EVI5: variants seen among roughly 807,000 people sequenced by gnomAD.
EVI5 encodes the protein ecotropic viral integration site 5.
EVI5 carries 73 observed loss-of-function variants against 112.0 expected under a neutral mutation model. That is an observed-to-expected ratio of 0.65 (90% confidence interval 0.54 to 0.79). The LOEUF is 0.79. Among genes scored for constraint, EVI5 ranks in the 30% least tolerant of loss-of-function variants. The pLI is 0.00. For missense variants in EVI5, 900 were observed against 968.8 expected (o/e 0.93, Z 0.94); for synonymous variants, 305 against 319.9 (o/e 0.95, Z 0.50).
At chr1:92,782,708 C>T (rs1685020916) in intron 1 of EVI5, among the ~76,000 whole-genome samples, 3 of 152,194 alleles carry the variant, frequency 2.0e-5, no homozygotes, top group South Asian at 2.1e-4. Flanking sequence ...TTATCACCCA[C>T]GTACCTATAA....
intron 16 of EVI5, among the ~76,000 whole-genome samples, chr1:92,616,894 T>C (rs367711774): frequency 1.3e-5 from 2 of 152,296 alleles, no homozygotes; most frequent in South Asian, 4.1e-4. Context: ...CAGCACTCCA[T>C]CATCAAATGG....
chr1:92,678,414 T>C (rs1667084508), intron 9 of EVI5, among the ~76,000 whole-genome samples: 1 of 151,886 alleles, frequency 6.6e-6, no homozygotes, highest in Non-Finnish European at 1.5e-5. Flanking sequence ...TGCCTGTAGT[T>C]GCAGGTACTC....
At chr1:92,591,593 C>A (rs1015770250) in intron 18 of EVI5, among the ~76,000 whole-genome samples, 5 of 152,064 alleles carry the variant, frequency 3.3e-5, no homozygotes, top group Non-Finnish European at 7.4e-5. Flanking sequence ...CCAATACAGG[C>A]GCACCCAGAT....
chr1:92,779,946 C>T (rs1419120730), intron 1 of EVI5, among the ~76,000 whole-genome samples: 2 of 152,080 alleles, frequency 1.3e-5, no homozygotes, highest in Non-Finnish European at 2.9e-5. Flanking sequence ...GCCACCATTC[C>T]TATCTCATAA....
rs190259682 is a variant in EVI5, at chr1:92,636,571, T to G, written c.1393-235A>C. The stretch of plus-strand genomic sequence containing the variant: ...ATTATTGGGTTTTGGTAACTAGTTA[T>G]TACGCTGATCAAATCTGATTCATAT... On this transcript the variant is annotated intron_variant, in intron 13 of 19. Coordinates refer to ENST00000684568, the MANE Select transcript of EVI5 (RefSeq NM_001350197.2). Among the ~76,000 whole-genome samples, 32 of 152,354 alleles carry G rather than the reference T, an allele frequency of 2.1e-4. No individual in the cohort carries two copies. In the East Asian group the frequency reaches 6.2e-3, roughly 29 times the overall value.
chr1:92,776,599 T>G (rs915103357), intron 1 of EVI5, among the ~76,000 whole-genome samples: 8 of 151,952 alleles, frequency 5.3e-5, no homozygotes, highest in African/African-American at 1.9e-4. Flanking sequence ...TGATTGGATT[T>G]AAGCATTACT....
At chr1:92,685,525 T>C (rs1281266362) in intron 9 of EVI5, among the ~76,000 whole-genome samples, 4 of 152,110 alleles carry the variant, frequency 2.6e-5, no homozygotes, top group Admixed American at 2.6e-4. Flanking sequence ...ATTCAAAAGC[T>C]AGCAGAAGGC....
chr1:92,759,082 T>A (rs1681408604), intron 1 of EVI5, among the ~76,000 whole-genome samples: 2 of 152,006 alleles, frequency 1.3e-5, no homozygotes, highest in East Asian at 3.9e-4. Context: ...TACAAAAACT[T>A]AGCCGGGTGT....
At chr1:92,705,885 C>G (rs9439920) in intron 2 of EVI5, among the ~76,000 whole-genome samples, 11,680 of 152,156 alleles carry the variant, frequency 0.077, 533 homozygotes, top group Non-Finnish European at 0.099. Flanking sequence ...ACAGATTATA[C>G]AACCACCCTT....
rs748094338 is a variant in EVI5 at position 92,625,776 on chromosome 1, C to G, written c.1668+18G>C. On this transcript the variant is annotated intron_variant, in intron 15 of 19. Transcript: ENST00000684568. ...TTTTACTCTCTTTTAAAAAAGCACA[C>G]AAAATATATTAATATACCTGCCAGT... is the stretch of plus-strand genomic sequence containing the variant. 2.5e-6 allele frequency: 4 copies of G among 1,604,870 alleles called. No homozygotes were observed. The South Asian group carries it at 4.5e-5, about 18-fold the overall frequency.
chr1:92,546,498 A>AC (rs1665729378), intron 19 of EVI5, among the ~76,000 whole-genome samples: 1 of 152,154 alleles, frequency 6.6e-6, no homozygotes. Flanking sequence ...GGAGTTCAAG[A>AC]CCAGCCTGGC....
chr1:92,683,523 G>A (rs976487729), intron 9 of EVI5, among the ~76,000 whole-genome samples: 8 of 152,124 alleles, frequency 5.3e-5, no homozygotes, highest in African/African-American at 1.7e-4. Flanking sequence ...ACAGCTCCTC[G>A]CCAGCAAGGG....
chr1:92,627,187 CAA>C (rs937298866), intron 14 of EVI5, among the ~76,000 whole-genome samples: 1 of 152,176 alleles, frequency 6.6e-6, no homozygotes, highest in African/African-American at 2.4e-5. Flanking sequence ...CACAAGTCCT[CAA>C]AGTCCACTGA....
At chr1:92,658,537 C>T (rs1663415881) in intron 13 of EVI5, among the ~76,000 whole-genome samples, 1 of 152,042 alleles carries the variant, frequency 6.6e-6, no homozygotes, top group Admixed American at 6.5e-5. Flanking sequence ...GGTGGAAGAT[C>T]TTTACAAGGA....
intron 2 of EVI5, among the ~76,000 whole-genome samples, chr1:92,735,426 G>A (rs1400898187): frequency 6.6e-6 from 1 of 151,804 alleles, no homozygotes; most frequent in Non-Finnish European, 1.5e-5. Context: ...TTTCACAGGT[G>A]TATACATATG....
intron 18 of EVI5, among the ~76,000 whole-genome samples, chr1:92,603,754 G>A (rs2101558561): frequency 6.6e-6 from 1 of 151,150 alleles, no homozygotes; most frequent in Middle Eastern, 3.4e-3. Flanking sequence ...TTTGAAACAG[G>A]GTCTTACTCT....
At chr1:92,724,025 C>T (rs577084692) in intron 2 of EVI5, among the ~76,000 whole-genome samples, 1 of 152,286 alleles carries the variant, frequency 6.6e-6, no homozygotes, top group South Asian at 2.1e-4. Flanking sequence ...ACCCTGTTTC[C>T]TGTTAAGATG....
intron 3 of EVI5, 81 bp downstream of exon 3, chr1:92,704,474 G>GT (rs1398454976): frequency 1.9e-5 from 17 of 871,990 alleles, no homozygotes; most frequent in Admixed American, 5.4e-5. Flanking sequence ...TGTATTTGGG[G>GT]TTTTTTTCCC....
intron 14 of EVI5, among the ~76,000 whole-genome samples, chr1:92,635,374 A>G (rs1416931460): frequency 2.6e-5 from 4 of 152,140 alleles, no homozygotes; most frequent in Non-Finnish European, 5.9e-5. Flanking sequence ...AAGCCTCGGC[A>G]ATGGCAGGCG....
Sources: allele counts gnomAD v4.1 joint callset (sites outside exome capture counted in the v4.1 genomes callset), GRCh38; gene constraint gnomAD v4.1.1; transcripts MANE v1.5; gene names NCBI Gene and HGNC (gene_info 2026-07-23, HGNC 2026-07-21).